The following MORN1 variants were observed in gnomAD, a reference collection of about 807,000 sequenced individuals.
The protein encoded by MORN1 is MORN repeat containing 1.
MORN1 carries 67 observed loss-of-function variants against 61.9 expected under a neutral mutation model. The observed-to-expected ratio is 1.08, with a 90% confidence interval of 0.89 to 1.33. MORN1 has a LOEUF of 1.33. Among genes scored for constraint, MORN1 ranks in the 40% most tolerant of loss-of-function variants. MORN1 has a pLI of 0.00. For synonymous variants in MORN1, 301 were observed against 292.0 expected, an observed-to-expected ratio of 1.03 and a Z score of -0.31; for missense variants, 752 against 691.2, an observed-to-expected ratio of 1.09 and a Z score of -0.99.
rs149233536 is a variant in MORN1, at chr1:2,333,399, C to T, written c.1250+3070G>A. Among the ~76,000 whole-genome samples the T allele has an allele frequency of 7.7e-4, 118 of 152,320 alleles. 1 individual carries two copies. The highest frequency in any genetic ancestry group is 2.6e-3 in the African/African-American group (109 of 41,582). On this transcript the variant is annotated intron_variant, in intron 12 of 13. Coordinates refer to ENST00000378531, the MANE Select transcript of MORN1 (RefSeq NM_024848.3). ...CCCCAGCGATGGCAACTGGGGACAG[C>T]TGGTGAGTGAGTGACAGCTGAGTGC... is the stretch of plus-strand genomic sequence containing the variant.
At chr1:2,378,485 TGAG>T (rs1642293959) in intron 6 of MORN1, 1 of 176,084 alleles carries the variant, frequency 5.7e-6, no homozygotes, top group Non-Finnish European at 1.2e-5. Context: ...CACGCCCAGC[TGAG>T]GAGAGGAGGC....
intron 9 of MORN1, among the ~76,000 whole-genome samples, chr1:2,358,375 C>T (rs1459602006): frequency 1.3e-5 from 2 of 152,128 alleles, no homozygotes; most frequent in Non-Finnish European, 2.9e-5. Flanking sequence ...GGGCTCTGAC[C>T]AGGGGCTCGC....
At chr1:2,385,553 G>GC (rs1553224880) in intron 5 of MORN1, 2 of 340,554 alleles carry the variant, frequency 5.9e-6, no homozygotes, top group Non-Finnish European at 1.1e-5. Context: ...TTTAATCGGG[G>GC]GGGGGGGGGA....
chr1:2,389,722 A>G (rs570557973), intron 2 of MORN1, among the ~76,000 whole-genome samples: 1 of 152,358 alleles, frequency 6.6e-6, no homozygotes, highest in Admixed American at 6.5e-5. Flanking sequence ...TTCCTTTGCT[A>G]AAGGTGGCCC....
chr1:2,389,897 G>T (rs778050962), intron 2 of MORN1, 28 bp downstream of exon 2: 1 of 1,606,298 alleles, frequency 6.2e-7, no homozygotes, highest in Non-Finnish European at 8.5e-7. Context: ...GGCAGCAGCT[G>T]CAAGAAGAGA....
intron 3 of MORN1, 51 bp downstream of exon 3, chr1:2,388,188 C>A (rs1456206961): frequency 1.4e-6 from 2 of 1,445,338 alleles, no homozygotes; most frequent in Non-Finnish European, 9.7e-7. Flanking sequence ...ACCAACTGAG[C>A]CCGATGGGTT....
chr1:2,358,244 C>T (rs893642688), intron 9 of MORN1, among the ~76,000 whole-genome samples: 3 of 152,114 alleles, frequency 2.0e-5, no homozygotes, highest in African/African-American at 4.8e-5. Context: ...CAAGAGAGGC[C>T]TGAGCATCTC....
chr1:2,362,943 C>T (rs1641921677), intron 8 of MORN1: 1 of 151,932 alleles, frequency 6.6e-6, no homozygotes, highest in African/African-American at 2.4e-5. Context: ...ACCTGTACTA[C>T]AAGAAATGTT....
intron 12 of MORN1, among the ~76,000 whole-genome samples, chr1:2,330,598 G>A (rs191601595): frequency 1.3e-5 from 2 of 152,360 alleles, no homozygotes; most frequent in African/African-American, 4.8e-5. Context: ...CTCCATCTGT[G>A]TTGGCCTAAT....
At chr1:2,381,920 C>T (rs1642379852) in intron 6 of MORN1, among the ~76,000 whole-genome samples, 1 of 151,974 alleles carries the variant, frequency 6.6e-6, no homozygotes, top group East Asian at 1.9e-4. Context: ...GGCTGGGCTG[C>T]CCCCTGGTGG....
At chr1:2,336,677 G>A in intron 11 of MORN1, 40 bp downstream of exon 11, 1 of 1,552,028 alleles carries the variant, frequency 6.4e-7, no homozygotes, top group East Asian at 2.3e-5. Context: ...GATAGTCTGA[G>A]TGATGTGGGG....
intron 10 of MORN1, among the ~76,000 whole-genome samples, chr1:2,342,030 A>C (rs1420397105): frequency 6.6e-6 from 1 of 152,260 alleles, no homozygotes; most frequent in Non-Finnish European, 1.5e-5. Context: ...ACCTCCTGGC[A>C]GGCATGCCCC....
At chr1:2,348,062 C>T (rs572994156) in intron 10 of MORN1, among the ~76,000 whole-genome samples, 1 of 152,212 alleles carries the variant, frequency 6.6e-6, no homozygotes, top group Non-Finnish European at 1.5e-5. Flanking sequence ...ATGTCCCTCG[C>T]AGGAAGGAGA....
At position 2,329,104 on chromosome 1, in the gene MORN1, G is replaced by T. The variant is rs541030610; in HGVS notation, c.1251-4961C>A. On this transcript the variant is annotated intron_variant, in intron 12 of 13. Coordinates refer to ENST00000378531, the MANE Select transcript of MORN1 (RefSeq NM_024848.3). ...CTTCAGGCCTTGAAAAGCCTGAGGG[G>T]TGTTCCCTGTTTGGGGGAGCCTGTT... Among the ~76,000 whole-genome samples the T allele has an allele frequency of 5.9e-5, 9 of 152,288 alleles. No individual in the cohort carries two copies. In the South Asian group the frequency reaches 1.7e-3, roughly 28 times the overall value.
chr1:2,361,458 T>G (rs1456784087), intron 8 of MORN1, among the ~76,000 whole-genome samples: 1 of 152,100 alleles, frequency 6.6e-6, no homozygotes, highest in Non-Finnish European at 1.5e-5. Flanking sequence ...CTTGGGAGGC[T>G]GAGGCAGGAG....
chr1:2,327,405 AACACAGAG>A (rs1289727637), intron 12 of MORN1, among the ~76,000 whole-genome samples: 10 of 151,270 alleles, frequency 6.6e-5, no homozygotes, highest in South Asian at 2.1e-4. Flanking sequence ...CACAGAAACA[AACACAGAG>A]ACACAGAGAC....
rs1226963745 is a variant in MORN1 at position 2,322,567 on chromosome 1, A to C, written c.1298-988T>G. 6 of 984,002 alleles carry C rather than the reference A, an allele frequency of 6.1e-6. No individual in the cohort carries two copies. The African/African-American group carries it at 8.8e-5, about 14-fold the overall frequency. 61.0% of individuals were successfully genotyped at this position (984,002 alleles called of 1,614,324 possible). A position where few individuals can be genotyped will look rare whatever the true frequency, so the allele number is the denominator to read the frequency against. ...AGTCAGCTCCTTTAGAAAAAAAAAA[A>C]CACGGTTCTGGGGGGCCTCGCCAGG... On this transcript the variant is annotated intron_variant, in intron 13 of 13. Transcript: ENST00000378531.
At chr1:2,379,413 T>G (rs547844081) in intron 6 of MORN1, among the ~76,000 whole-genome samples, 2 of 152,328 alleles carry the variant, frequency 1.3e-5, no homozygotes, top group Non-Finnish European at 2.9e-5. Context: ...GGCAACTCAG[T>G]GTCCAAGAAG....
chr1:2,323,297 G>A lies in MORN1; in HGVS notation c.1297+800C>T, dbSNP rs192837963. 3.9e-4 allele frequency: 389 copies of A among 985,392 alleles called. 1 individual carries two copies. In the African/African-American group the frequency reaches 4.7e-3, roughly 12 times the overall value. The allele number at this position is 985,392 out of a possible 1,614,324, so 61.0% of individuals were successfully genotyped here. A position where few individuals can be genotyped will look rare whatever the true frequency, so the allele number is the denominator to read the frequency against. On this transcript the variant is annotated intron_variant, in intron 13 of 13. Transcript: ENST00000378531. ...CCAGGGTGGCTCTGCTTGTTCTCCC[G>A]CTGCGCCAGAGGCAGCTCCACGGTG...
Sources: gnomAD v4.1 joint callset for allele counts (sites outside exome capture counted in the v4.1 genomes callset) on GRCh38, gnomAD v4.1.1 for gene constraint, MANE v1.5 for transcripts, NCBI Gene and HGNC (gene_info 2026-07-23, HGNC 2026-07-21) for gene names.